SCAPER: variants seen among roughly 807,000 people sequenced by gnomAD.
SCAPER encodes the protein S phase cyclin A-associated protein in the endoplasmic reticulum.
A neutral mutation model predicts 182.2 loss-of-function variants in SCAPER; 98 were observed. That is an observed-to-expected ratio of 0.54 (90% CI 0.46 to 0.64). SCAPER has a LOEUF of 0.64. Ranked by LOEUF, SCAPER falls within the 30% of genes least tolerant of loss-of-function variation. The pLI, the probability that SCAPER is intolerant of heterozygous loss-of-function variation, is 0.00. For synonymous variants in SCAPER, 605 were observed against 564.6 expected (o/e 1.07, Z -1.01); for missense variants, 1,432 against 1,690.0 (o/e 0.85, Z 2.68).
At chr15:76,691,230 GA>G (rs1460923505) in intron 20 of SCAPER, among the ~76,000 whole-genome samples, 9 of 151,646 alleles carry the variant, frequency 5.9e-5, no homozygotes, top group Non-Finnish European at 1.2e-4. Context: ...GATATAATTG[GA>G]AAAAAATTAT....
intron 27 of SCAPER, among the ~76,000 whole-genome samples, chr15:76,383,685 T>C (rs1288167670): frequency 6.6e-6 from 1 of 152,184 alleles, no homozygotes; most frequent in Non-Finnish European, 1.5e-5. Flanking sequence ...TGAAGTGTTT[T>C]AGGTCATACA....
At position 76,652,273 on chromosome 15, in the gene SCAPER, AAT is replaced by A. The variant is rs1172636102; in HGVS notation, c.2645+13378_2645+13379del. Among the ~76,000 whole-genome samples the A allele has an allele frequency of 3.5e-3, 45 of 12,840 alleles. 1 individual carries two copies. Among genetic ancestry groups the A allele is most frequent in the Admixed American group, 6.1e-3 (4 of 660 alleles). The allele number at this position is 12,840 out of a possible 152,430, so 8.4% of individuals were successfully genotyped here. ...GTCTCTGCTAAAAAAAAAAAAAAAA[AAT>A]ATATATATATATATATATATATATA... is the stretch of plus-strand genomic sequence containing the variant. On this transcript the variant is annotated intron_variant, in intron 21 of 31. Coordinates refer to ENST00000563290, the MANE Select transcript of SCAPER (RefSeq NM_020843.4).
At chr15:76,569,412 T>G (rs573501750) in intron 23 of SCAPER, among the ~76,000 whole-genome samples, 1 of 152,172 alleles carries the variant, frequency 6.6e-6, no homozygotes, top group African/African-American at 2.4e-5. Flanking sequence ...ATTATCCTTA[T>G]TAGATATTGC....
intron 16 of SCAPER, among the ~76,000 whole-genome samples, chr15:76,730,491 T>A (rs904266945): frequency 2.0e-5 from 3 of 151,976 alleles, no homozygotes; most frequent in Non-Finnish European, 2.9e-5. Context: ...GAATAATATG[T>A]GGAAACTTGG....
chr15:76,875,994 C>T (rs973703458), intron 2 of SCAPER, among the ~76,000 whole-genome samples: 10 of 152,178 alleles, frequency 6.6e-5, no homozygotes, highest in African/African-American at 1.9e-4. Flanking sequence ...CAGCAAAGGC[C>T]CAGCGAGAAA....
At chr15:76,421,331 T>C (rs981633091) in intron 26 of SCAPER, among the ~76,000 whole-genome samples, 35 of 152,240 alleles carry the variant, frequency 2.3e-4, no homozygotes, top group African/African-American at 8.4e-4. Context: ...TGTGAGATGG[T>C]ATCTCATTGT....
chr15:76,521,701 T>C (rs1480943002), intron 23 of SCAPER, among the ~76,000 whole-genome samples: 1 of 152,162 alleles, frequency 6.6e-6, no homozygotes, highest in Non-Finnish European at 1.5e-5. Flanking sequence ...TTCTACATAT[T>C]CCTCCCATAA....
At chr15:76,654,203 C>T (rs1478698550) in intron 21 of SCAPER, among the ~76,000 whole-genome samples, 1 of 152,118 alleles carries the variant, frequency 6.6e-6, no homozygotes, top group Non-Finnish European at 1.5e-5. Context: ...GAGATCAAGA[C>T]CATCCTGGCT....
Position 76,604,256 on chromosome 15 carries a change from G to T in SCAPER, c.2711+17508C>A, listed in dbSNP as rs1250626158. 8.3e-5 allele frequency among the ~76,000 whole-genome samples: 10 copies of T among 120,322 alleles called. 2 individuals are homozygous for T. Among genetic ancestry groups the T allele is most frequent in the African/African-American group, 1.8e-4 (7 of 39,590 alleles). The allele number at this position is 120,322 out of a possible 152,430, so 78.9% of individuals were successfully genotyped here. A position where few individuals can be genotyped will look rare whatever the true frequency, so the allele number is the denominator to read the frequency against. Reference sequence around the variant, plus strand: ...CTTTCTACATATGGCTAGCCAGTTTGCCCAGCACCATTTATTAAATAGGGA... The same window carrying T: ...CTTTCTACATATGGCTAGCCAGTTTTCCCAGCACCATTTATTAAATAGGGA... On this transcript the variant is annotated intron_variant, in intron 22 of 31. Coordinates refer to ENST00000563290, the MANE Select transcript of SCAPER (RefSeq NM_020843.4).
At position 76,416,317 on chromosome 15, in the gene SCAPER, GA is replaced by G. The variant is rs61396507; in HGVS notation, c.3312-11639del. Among the ~76,000 whole-genome samples the G allele has an allele frequency of 5.4e-3, 780 of 144,292 alleles. 9 individuals carry two copies. Among genetic ancestry groups the G allele is most frequent in the African/African-American group, 0.019 (754 of 39,228 alleles). The allele number at this position is 144,292 out of a possible 152,430, so 94.7% of individuals were successfully genotyped here. A position where few individuals can be genotyped will look rare whatever the true frequency, so the allele number is the denominator to read the frequency against. On this transcript the variant is annotated intron_variant, in intron 26 of 31. Transcript: ENST00000563290. ...TGGTGAAACCCTGCCTCTACTAAAAGAAAAAAAAAAAAAGTACAAAAATTAG... is the reference window on the plus strand; with the variant it reads ...TGGTGAAACCCTGCCTCTACTAAAAGAAAAAAAAAAAAGTACAAAAATTAG...
intron 21 of SCAPER, among the ~76,000 whole-genome samples, chr15:76,656,355 C>G (rs1455295527): frequency 6.6e-6 from 1 of 152,160 alleles, no homozygotes; most frequent in East Asian, 1.9e-4. Context: ...CCTAACTATA[C>G]TAAACATGTA....
intron 22 of SCAPER, among the ~76,000 whole-genome samples, chr15:76,583,237 G>C (rs993083159): frequency 6.6e-6 from 1 of 151,852 alleles, no homozygotes; most frequent in African/African-American, 2.4e-5. Context: ...TCTAGTCCCA[G>C]CTACTCGGGA....
intron 17 of SCAPER, among the ~76,000 whole-genome samples, chr15:76,728,321 C>T (rs187396698): frequency 3.9e-5 from 6 of 151,924 alleles, no homozygotes; most frequent in East Asian, 3.9e-4. Flanking sequence ...ACTAATTATG[C>T]CCTCAGTATC....
At chr15:76,549,753 A>AAC (rs1375474533) in intron 23 of SCAPER, among the ~76,000 whole-genome samples, 1 of 151,522 alleles carries the variant, frequency 6.6e-6, no homozygotes, top group Admixed American at 6.6e-5. Context: ...TAAAAACAAA[A>AAC]AAAAGGATGA....
At chr15:76,680,292 T>C (rs994478656) in intron 20 of SCAPER, among the ~76,000 whole-genome samples, 1 of 151,922 alleles carries the variant, frequency 6.6e-6, no homozygotes, top group African/African-American at 2.4e-5. Context: ...GAAAATGATA[T>C]ACCATCCTAA....
chr15:76,471,080 TTTCTTC>T (rs900611944), intron 25 of SCAPER, 126 bp downstream of exon 25: 9 of 628,604 alleles, frequency 1.4e-5, no homozygotes, highest in East Asian at 7.4e-5. Flanking sequence ...TCATCTTCAC[TTTCTTC>T]TTCTTCTTCT....
intron 24 of SCAPER, among the ~76,000 whole-genome samples, chr15:76,488,288 A>C (rs1335496956): frequency 6.6e-6 from 1 of 152,160 alleles, no homozygotes; most frequent in Non-Finnish European, 1.5e-5. Context: ...GCTCAAGGGC[A>C]CAGAGGATGA....
intron 25 of SCAPER, among the ~76,000 whole-genome samples, chr15:76,458,189 C>T (rs1053798133): frequency 1.3e-5 from 2 of 151,952 alleles, no homozygotes; most frequent in Non-Finnish European, 2.9e-5. Flanking sequence ...TATATATTCT[C>T]TCACTATATA....
chr15:76,463,303 T>C (rs1183828824), intron 25 of SCAPER, among the ~76,000 whole-genome samples: 1 of 152,168 alleles, frequency 6.6e-6, no homozygotes, highest in Non-Finnish European at 1.5e-5. Flanking sequence ...AGAAACAATG[T>C]GGTGAATGGA....
Sources: gnomAD v4.1 joint callset for allele counts (sites outside exome capture counted in the v4.1 genomes callset) on GRCh38, gnomAD v4.1.1 for gene constraint, MANE v1.5 for transcripts, NCBI Gene and HGNC (gene_info 2026-07-23, HGNC 2026-07-21) for gene names.